RBFOX1: variants seen among roughly 807,000 people sequenced by gnomAD.
RBFOX1 encodes RNA binding fox-1 homolog 1.
In RBFOX1, 8 loss-of-function variants were observed where a neutral mutation model predicts 57.7. That is an observed-to-expected ratio of 0.14 (90% CI 0.08 to 0.25). The LOEUF is 0.25. RBFOX1 is among the 10% of genes least tolerant of loss of function. RBFOX1 has a pLI of 1.00. For missense variants in RBFOX1, 611 were observed against 548.5 expected, an observed-to-expected ratio of 1.11 and a Z score of -1.14; for synonymous variants, 326 against 222.4, an observed-to-expected ratio of 1.47 and a Z score of -4.15.
At chr16:5,807,668 C>T (rs1031534326) in intron 3 of RBFOX1, among the ~76,000 whole-genome samples, 7 of 152,172 alleles carry the variant, frequency 4.6e-5, no homozygotes, top group African/African-American at 1.7e-4. Context: ...TCTGGAAGTC[C>T]TGGCTTCTGA....
intron 4 of RBFOX1, among the ~76,000 whole-genome samples, chr16:7,227,358 C>T (rs1221420534): frequency 2.0e-5 from 3 of 150,872 alleles, no homozygotes; most frequent in Non-Finnish European, 4.4e-5. Flanking sequence ...CCTGCCCCCT[C>T]TCACTTAGCT....
chr16:6,186,998 G>C (rs1489618601), intron 1 of RBFOX1, among the ~76,000 whole-genome samples: 1 of 152,150 alleles, frequency 6.6e-6, no homozygotes, highest in African/African-American at 2.4e-5. Context: ...ATTTATCTGT[G>C]TATCTAGTCA....
At chr16:5,718,738 C>T (rs182165606) in intron 3 of RBFOX1, among the ~76,000 whole-genome samples, 3 of 152,118 alleles carry the variant, frequency 2.0e-5, no homozygotes, top group African/African-American at 7.2e-5. Context: ...GGAATCCCAT[C>T]TCTAATAAAA....
At chr16:6,777,116 G>A (rs2079509567) in intron 3 of RBFOX1, among the ~76,000 whole-genome samples, 1 of 152,008 alleles carries the variant, frequency 6.6e-6, no homozygotes, top group African/African-American at 2.4e-5. Context: ...ACGAGTCTTG[G>A]GATTAGTGGT....
intron 1 of RBFOX1, among the ~76,000 whole-genome samples, chr16:6,068,673 G>C (rs964698808): frequency 7.2e-5 from 11 of 152,164 alleles, no homozygotes; most frequent in African/African-American, 2.7e-4. Flanking sequence ...GGCTGCAGAG[G>C]AAGGTCTTCA....
At chr16:5,919,680 G>A (rs754578615) in intron 4 of RBFOX1, among the ~76,000 whole-genome samples, 42 of 152,128 alleles carry the variant, frequency 2.8e-4, no homozygotes, top group Admixed American at 7.9e-4. Flanking sequence ...GGTATTTAGT[G>A]CATTCACAAG....
At chr16:5,542,758 G>T (rs1041254224) in intron 2 of RBFOX1, among the ~76,000 whole-genome samples, 4 of 152,122 alleles carry the variant, frequency 2.6e-5, no homozygotes, top group Non-Finnish European at 5.9e-5. Context: ...CCAAAATTAT[G>T]CTTGATTTCT....
At chr16:6,749,832 C>T (rs1278451668) in intron 3 of RBFOX1, among the ~76,000 whole-genome samples, 1 of 152,146 alleles carries the variant, frequency 6.6e-6, no homozygotes, top group African/African-American at 2.4e-5. Flanking sequence ...TTTCGTTTTG[C>T]TTTCTGTTTC....
intron 3 of RBFOX1, among the ~76,000 whole-genome samples, chr16:6,710,138 A>C (rs1399737478): frequency 1.3e-5 from 2 of 152,110 alleles, no homozygotes. Flanking sequence ...GACTGAGGGG[A>C]GTCCAAATCC....
chr16:5,794,140 T>G (rs191179040), intron 3 of RBFOX1, among the ~76,000 whole-genome samples: 1 of 152,304 alleles, frequency 6.6e-6, no homozygotes, highest in East Asian at 1.9e-4. Flanking sequence ...TCTTGGGGCT[T>G]TTTCTTTATC....
chr16:7,265,703 C>T (rs2095103195), intron 4 of RBFOX1, among the ~76,000 whole-genome samples: 1 of 152,204 alleles, frequency 6.6e-6, no homozygotes, highest in African/African-American at 2.4e-5. Flanking sequence ...CCTGCCTTAG[C>T]CTCCCAGTGT....
At chr16:6,138,472 T>C (rs1287544752) in intron 1 of RBFOX1, among the ~76,000 whole-genome samples, 1 of 152,218 alleles carries the variant, frequency 6.6e-6, no homozygotes, top group East Asian at 1.9e-4. Flanking sequence ...TTCAGTTCCT[T>C]GCAGTCATAG....
intron 3 of RBFOX1, among the ~76,000 whole-genome samples, chr16:6,734,750 C>T (rs1278302396): frequency 6.6e-6 from 1 of 152,134 alleles, no homozygotes; most frequent in Non-Finnish European, 1.5e-5. Context: ...CCTCCTTTTA[C>T]CCCTATCCAA....
chr16:6,447,737 C>G (rs956427567), intron 2 of RBFOX1, among the ~76,000 whole-genome samples: 1 of 152,172 alleles, frequency 6.6e-6, no homozygotes, highest in Non-Finnish European at 1.5e-5. Context: ...ACACCAAATG[C>G]TGCTGAAGAG....
chr16:6,141,074 C>G (rs2096712252), intron 1 of RBFOX1, among the ~76,000 whole-genome samples: 1 of 152,180 alleles, frequency 6.6e-6, no homozygotes, highest in Non-Finnish European at 1.5e-5. Flanking sequence ...TCTTAATTCT[C>G]TGTGTCCATC....
At chr16:7,400,909 A>G (rs570693600) in intron 4 of RBFOX1, among the ~76,000 whole-genome samples, 1 of 152,206 alleles carries the variant, frequency 6.6e-6, no homozygotes, top group African/African-American at 2.4e-5. Flanking sequence ...CTTTGCAACT[A>G]AAGAAGCAAA....
intron 2 of RBFOX1, among the ~76,000 whole-genome samples, chr16:5,472,071 G>C (rs1324010845): frequency 6.6e-6 from 1 of 152,144 alleles, no homozygotes; most frequent in African/African-American, 2.4e-5. Flanking sequence ...TCTGACGGAT[G>C]CTCTTTTCTC....
chr16:5,449,640 C>T (rs1337147168), intron 1 of RBFOX1, among the ~76,000 whole-genome samples: 3 of 152,126 alleles, frequency 2.0e-5, no homozygotes, highest in Admixed American at 1.3e-4. Context: ...GACAGGGTTT[C>T]TCTCGGTTGC....
intron 1 of RBFOX1, among the ~76,000 whole-genome samples, chr16:6,104,221 G>T (rs758068646): frequency 1.3e-5 from 2 of 151,886 alleles, no homozygotes; most frequent in South Asian, 2.1e-4. Context: ...GTGATGTTTT[G>T]CTATCTGTAT....
Sources: gnomAD v4.1 joint callset for allele counts (sites outside exome capture counted in the v4.1 genomes callset) on GRCh38, gnomAD v4.1.1 for gene constraint, MANE v1.5 for transcripts, NCBI Gene and HGNC (gene_info 2026-07-23, HGNC 2026-07-21) for gene names.